PTK2B: variants seen among roughly 807,000 people sequenced by gnomAD.
The protein encoded by PTK2B is protein-tyrosine kinase 2-beta.
A neutral mutation model predicts 142.9 loss-of-function variants in PTK2B; 71 were observed. The ratio of observed to expected loss-of-function variants is 0.50; its 90% CI spans 0.41 to 0.61. PTK2B has a LOEUF of 0.61. Ranked by LOEUF, PTK2B falls within the 20% of genes least tolerant of loss-of-function variation. The pLI, the probability that PTK2B is intolerant of heterozygous loss-of-function variation, is 0.00. For missense variants in PTK2B, 1,105 were observed against 1,320.4 expected (o/e 0.84, Z 2.53); for synonymous variants, 519 against 503.4 (o/e 1.03, Z -0.42).
chr8:27,331,140 G>A (rs772955554), intron 1 of PTK2B, among the ~76,000 whole-genome samples: 4 of 152,160 alleles, frequency 2.6e-5, no homozygotes, highest in East Asian at 1.9e-4. Context: ...TTTAGAGCTC[G>A]GTACCAGGTT....
At chr8:27,454,080 TG>T in intron 28 of PTK2B, 73 bp from the exon 29 acceptor site, 2 of 1,586,456 alleles carry the variant, frequency 1.3e-6, no homozygotes. Flanking sequence ...GCCACAGTGG[TG>T]CCTGCCCAGG....
intron 13 of PTK2B, 71 bp downstream of exon 13, chr8:27,434,630 C>T (rs1177956294): frequency 1.1e-5 from 16 of 1,490,138 alleles, no homozygotes; most frequent in Middle Eastern, 1.7e-4. Context: ...TGCTTGCTCT[C>T]GTGACATTGC....
At chr8:27,361,059 A>G (rs1016369796) in intron 1 of PTK2B, among the ~76,000 whole-genome samples, 17 of 152,190 alleles carry the variant, frequency 1.1e-4, no homozygotes, top group Non-Finnish European at 2.4e-4. Context: ...TTGTAGTGCA[A>G]CCATCACCCG....
chr8:27,427,617 C>G (rs1410729578), intron 5 of PTK2B, among the ~76,000 whole-genome samples: 1 of 152,166 alleles, frequency 6.6e-6, no homozygotes, highest in Non-Finnish European at 1.5e-5. Flanking sequence ...CTCACTCAAC[C>G]CAGGGGAACT....
At chr8:27,433,593 G>C in intron 11 of PTK2B, 41 bp downstream of exon 11, 1 of 1,528,384 alleles carries the variant, frequency 6.5e-7, no homozygotes. Context: ...ACCACGGGTG[G>C]CAGCACACCC....
intron 1 of PTK2B, among the ~76,000 whole-genome samples, chr8:27,391,941 A>G (rs4332084): frequency 0.83 from 125,985 of 152,164 alleles, 52,677 homozygotes; most frequent in Middle Eastern, 0.95. Context: ...CTGGTGCCAC[A>G]GGATGTAGTC....
At chr8:27,312,657 C>A (rs1803003633) in intron 2 of PTK2B, among the ~76,000 whole-genome samples, 1 of 152,176 alleles carries the variant, frequency 6.6e-6, no homozygotes, top group Admixed American at 6.5e-5. Flanking sequence ...TCTCTGCCCT[C>A]CTATCTCTCA....
rs547818222 is a variant in PTK2B at position 27,419,908 on chromosome 8, C to A, written c.218C>A (p.Ser73Tyr). 2.4e-5 allele frequency: 38 copies of A among 1,614,176 alleles called. No individual in the cohort carries two copies. The South Asian group carries it at 3.7e-4, about 16-fold the overall frequency. ...TCTCCTCTGCAGGAGATCATCACCT[C>A]CATCCTGCTGAGCGGGCGGATCGGG... ...VQTEIREIIT[S>Y]ILLSGRIGPN... Residue 73 changes from serine to tyrosine, a missense_variant, in exon 3 of 31, where the codon TCC (serine) becomes TAC (tyrosine). Ser to Tyr is a moderately radical substitution (Grantham distance 144). Coordinates refer to ENST00000346049, the MANE Select transcript of PTK2B (RefSeq NM_173176.3).
intron 1 of PTK2B, among the ~76,000 whole-genome samples, chr8:27,348,452 CCTCCT>C (rs1272173026): frequency 6.6e-6 from 1 of 152,192 alleles, no homozygotes; most frequent in African/African-American, 2.4e-5. Flanking sequence ...TGCACACACA[CCTCCT>C]GGAACTCCAG....
At chr8:27,423,457 T>G (rs1021538998) in intron 5 of PTK2B, among the ~76,000 whole-genome samples, 2 of 152,158 alleles carry the variant, frequency 1.3e-5, no homozygotes, top group African/African-American at 4.8e-5. Flanking sequence ...AGATTTGATT[T>G]GGCAGGCCTG....
chr8:27,313,566 C>T (rs1478663861), intron 3 of PTK2B, among the ~76,000 whole-genome samples: 1 of 152,190 alleles, frequency 6.6e-6, no homozygotes. Flanking sequence ...TGCCCTCTCC[C>T]TTCATTCTTC....
intron 24 of PTK2B, among the ~76,000 whole-genome samples, chr8:27,449,996 T>C (rs1302446035): frequency 1.3e-5 from 2 of 152,254 alleles, no homozygotes; most frequent in Non-Finnish European, 2.9e-5. Context: ...TAACTCAAGC[T>C]ATGATTGCAT....
At position 27,458,407 on chromosome 8, in the gene PTK2B, G is replaced by T; in HGVS notation, c.2928G>T (p.Met976Ile). 3 of 1,612,974 alleles carry T rather than the reference G, an allele frequency of 1.9e-6. No homozygotes were observed. Among genetic ancestry groups the T allele is most frequent in the Non-Finnish European group, 2.5e-6 (3 of 1,179,488 alleles). Residue 976 changes from methionine (M) to isoleucine (I), a missense_variant, in exon 31 of 31, where the codon ATG becomes ATT. Transcript: ENST00000346049. The part of the protein sequence containing the change: ...TSLSEECKRQ[M>I]LTASHTLAVD... ...TAAGTGAGGAGTGCAAGAGGCAGATGCTGACGGCTTCACACACCCTGGCTG... is the reference window on the plus strand; with the variant it reads ...TAAGTGAGGAGTGCAAGAGGCAGATTCTGACGGCTTCACACACCCTGGCTG...
At chr8:27,333,395 G>A (rs1349459961) in intron 1 of PTK2B, among the ~76,000 whole-genome samples, 7 of 152,188 alleles carry the variant, frequency 4.6e-5, no homozygotes, top group Non-Finnish European at 1.5e-5. Flanking sequence ...GCGAGGGTCA[G>A]ATTCTGGTGT....
chr8:27,442,892 A>G lies in PTK2B; in HGVS notation c.2057A>G (p.Glu686Gly). 2 of 1,614,092 alleles carry G rather than the reference A, an allele frequency of 1.2e-6. No homozygotes were observed. Among genetic ancestry groups the G allele is most frequent in the Non-Finnish European group, 1.7e-6 (2 of 1,179,956 alleles). Residue 686 changes from glutamate to glycine, a missense_variant, in exon 22 of 31, where the codon GAG (glutamate) becomes GGG (glycine). Physicochemically the swap from Glu to Gly is moderately conservative, Grantham distance 98. Transcript: ENST00000346049. The part of the protein sequence containing the change: ...VCSLSDVYQM[E>G]KDIAMEQERN... The stretch of plus-strand genomic sequence containing the variant: ...CCCTGCAGTGACGTTTATCAGATGG[A>G]GAAGGACATTGCCATGGAGCAAGAG...
chr8:27,348,754 C>G (rs113176873), intron 1 of PTK2B, among the ~76,000 whole-genome samples: 1 of 151,950 alleles, frequency 6.6e-6, no homozygotes, highest in Non-Finnish European at 1.5e-5. Context: ...CTTGAAGGGC[C>G]GGATCTCTCT....
At chr8:27,386,656 C>G (rs1807375681) in intron 1 of PTK2B, among the ~76,000 whole-genome samples, 1 of 152,230 alleles carries the variant, frequency 6.6e-6, no homozygotes, top group East Asian at 1.9e-4. Flanking sequence ...CTAAATACAT[C>G]TACAGATTGG....
intron 2 of PTK2B, 93 bp from the exon 3 acceptor site, chr8:27,419,802 C>T: frequency 1.5e-6 from 2 of 1,372,134 alleles, no homozygotes; most frequent in Non-Finnish European, 2.0e-6. Context: ...CAGAATCCCA[C>T]CCTAGAGAAT....
intron 1 of PTK2B, among the ~76,000 whole-genome samples, chr8:27,357,880 T>A (rs1306595876): frequency 1.3e-5 from 2 of 152,048 alleles, no homozygotes; most frequent in African/African-American, 4.8e-5. Flanking sequence ...CCTAGCCTCA[T>A]GGAGATTATG....
Sources: gnomAD v4.1 joint callset for allele counts (sites outside exome capture counted in the v4.1 genomes callset) on GRCh38, gnomAD v4.1.1 for gene constraint, MANE v1.5 for transcripts, NCBI Gene and HGNC (gene_info 2026-07-23, HGNC 2026-07-21) for gene names.